Variants in SYNE2 observed in about 807,000 individuals in gnomAD.
SYNE2 encodes nesprin-2.
In SYNE2, 431 loss-of-function variants were observed where a neutral mutation model predicts 856.3. The observed-to-expected ratio is 0.50, with a 90% confidence interval of 0.47 to 0.55. The LOEUF (loss-of-function observed/expected upper bound fraction) is 0.55. SYNE2 is among the 20% of genes least tolerant of loss of function. The pLI, the probability that SYNE2 is intolerant of heterozygous loss-of-function variation, is 0.00. For synonymous variants in SYNE2, 2,923 were observed against 2,872.3 expected (o/e 1.02, Z -0.56); for missense variants, 8,129 against 8,023.2 (o/e 1.01, Z -0.50).
chr14:63,828,423 T>C (rs993338049), intron 1 of SYNE2, among the ~76,000 whole-genome samples: 2 of 152,030 alleles, frequency 1.3e-5, no homozygotes, highest in African/African-American at 4.8e-5. Context: ...GTGGATCACC[T>C]GAGGTGAGGA....
rs2153498670 is a variant in SYNE2 at position 63,998,328 on chromosome 14, G to A, written c.3353G>A (p.Arg1118Lys). 5 of 1,579,778 alleles carry A rather than the reference G, an allele frequency of 3.2e-6. No individual in the cohort carries two copies. Among genetic ancestry groups the A allele is most frequent in the Non-Finnish European group, 4.4e-6 (5 of 1,148,950 alleles). Reference sequence around the variant, plus strand: ...GCATCTATAAATAGTTTACTAGAGAGGTAAACTCTTTTTAAAAACAACTGG... The same window carrying A: ...GCATCTATAAATAGTTTACTAGAGAAGTAAACTCTTTTTAAAAACAACTGG... ...YSASINSLLE[R>K]YDTYRDILEH... The change falls in exon 26 of 116, where the codon AGG (arginine) becomes AAG (lysine). Residue 1118 changes from arginine (R) to lysine (K), a missense_variant and splice_region_variant. This residue lies in a region of SYNE2 where 2,422 missense variants were observed against 2,357.4 expected (regional missense o/e 1.03). Transcript: ENST00000555002.
At chr14:64,205,001 T>A (rs2098598407) in intron 100 of SYNE2, among the ~76,000 whole-genome samples, 1 of 152,164 alleles carries the variant, frequency 6.6e-6, no homozygotes, top group Non-Finnish European at 1.5e-5. Flanking sequence ...GCCGTCAACA[T>A]TGCATCTCTC....
At chr14:64,170,206 A>T in intron 93 of SYNE2, 22 bp from the exon 94 acceptor site, 2 of 1,609,842 alleles carry the variant, frequency 1.2e-6, no homozygotes, top group South Asian at 1.1e-5. Context: ...TCTGGATTCT[A>T]TAACCATTTG....
chr14:64,012,694 T>C (rs1168764308), intron 32 of SYNE2, among the ~76,000 whole-genome samples: 1 of 152,238 alleles, frequency 6.6e-6, no homozygotes, highest in Non-Finnish European at 1.5e-5. Context: ...CATATGTTTC[T>C]TGAAATAATC....
In SYNE2 at chr14:64,081,676, A is replaced by C. The variant is rs972830791; in HGVS notation, c.11484+96A>C. 23 of 1,376,316 alleles carry C rather than the reference A, an allele frequency of 1.7e-5. No individual in the cohort carries two copies. In the Admixed American group the frequency reaches 3.4e-4, roughly 20 times the overall value. The allele number at this position is 1,376,316 out of a possible 1,614,324, so 85.3% of individuals were successfully genotyped here. A position where few individuals can be genotyped will look rare whatever the true frequency, so the allele number is the denominator to read the frequency against. On this transcript the variant is annotated intron_variant, in intron 57 of 115. Transcript: ENST00000555002. Reference sequence around the variant, plus strand: ...TGGTGCTTTTTTCCTCCTTTCCTGAAATACAACCTTACCGCTAACCATGTC... The same window carrying C: ...TGGTGCTTTTTTCCTCCTTTCCTGACATACAACCTTACCGCTAACCATGTC...
intron 100 of SYNE2, among the ~76,000 whole-genome samples, chr14:64,206,448 CACTT>C (rs2098605625): frequency 6.6e-6 from 1 of 151,774 alleles, no homozygotes; most frequent in Non-Finnish European, 1.5e-5. Context: ...TGTAGTCTAT[CACTT>C]TATTTATTTT....
chr14:64,089,831 G>A, intron 59 of SYNE2, 135 bp downstream of exon 59: 2 of 695,524 alleles, frequency 2.9e-6, no homozygotes, highest in Non-Finnish European at 4.8e-6. Flanking sequence ...AAATTGATGG[G>A]AATAACTATA....
chr14:64,151,276 T>A (rs2098239368), intron 84 of SYNE2, among the ~76,000 whole-genome samples: 1 of 151,962 alleles, frequency 6.6e-6, no homozygotes, highest in Admixed American at 6.6e-5. Context: ...TTTGCGGGAC[T>A]GGATTTCAGT....
chr14:64,026,856 G>A (rs2153540128), intron 42 of SYNE2, 126 bp downstream of exon 42: 8 of 1,130,802 alleles, frequency 7.1e-6, no homozygotes, highest in Non-Finnish European at 1.0e-5. Flanking sequence ...TAATGTCAGG[G>A]ACATCCACAG....
rs1156982452 is a variant in SYNE2 at position 64,128,504 on chromosome 14, A to G, written c.13970A>G (p.Gln4657Arg). 6.2e-7 allele frequency: 1 copy of G among 1,610,576 alleles called. No homozygotes were observed. Among genetic ancestry groups the G allele is most frequent in the Admixed American group, 1.7e-5 (1 of 60,018 alleles). ...HQLIKSKTSL[Q>R]QSLNEISGQS... is the part of the protein sequence containing the mutation. The stretch of plus-strand genomic sequence containing the variant: ...CTCATTAAGAGTAAGACATCTTTAC[A>G]ACAGTCTTTGAATGAAATCAGTGGG... The change falls in exon 74 of 116, where the codon CAA becomes CGA. Residue 4657 changes from glutamine to arginine, a missense_variant. Gln to Arg is a conservative substitution (Grantham distance 43). This residue lies in a region of SYNE2 where 5,410 missense variants were observed against 5,284.8 expected (regional missense o/e 1.02). Coordinates refer to ENST00000555002, the MANE Select transcript of SYNE2 (RefSeq NM_182914.3).
At chr14:64,095,645 C>A (rs79674350) in intron 61 of SYNE2, among the ~76,000 whole-genome samples, 1 of 152,134 alleles carries the variant, frequency 6.6e-6, no homozygotes, top group Admixed American at 6.5e-5. Flanking sequence ...AAGGATAGTT[C>A]AGCTTACAAC....
At chr14:63,941,848 A>T in intron 4 of SYNE2, 37 bp from the exon 5 acceptor site, 1 of 1,612,126 alleles carries the variant, frequency 6.2e-7, no homozygotes, top group Non-Finnish European at 8.5e-7. Flanking sequence ...TATGTATTTC[A>T]TTTTTTCTGA....
At position 63,826,632 on chromosome 14, in the gene SYNE2, C is replaced by A. The variant is rs572002339; in HGVS notation, c.-304-25869C>A. Among the ~76,000 whole-genome samples the A allele has an allele frequency of 3.9e-5, 6 of 152,050 alleles. No individual in the cohort carries two copies. In the South Asian group the frequency reaches 1.2e-3, roughly 32 times the overall value. ...GTTTTTTCAATGTATGTTCCTGGGA[C>A]AACATGATATCCACATGCGCAAGAA... On this transcript the variant is annotated intron_variant, in intron 1 of 23. Transcript: ENST00000674003.
chr14:63,926,050 C>T lies in SYNE2; in HGVS notation c.80-14564C>T, dbSNP rs113985430. ...GTGGAGACCTGGTTTCACCATGTTG[C>T]CCAGACTGGTCTTGAACTCCTGAGC... On this transcript the variant is annotated intron_variant, in intron 2 of 115. Transcript: ENST00000555002. Among the ~76,000 whole-genome samples, 8 of 152,076 alleles carry T rather than the reference C, an allele frequency of 5.3e-5. 1 individual carries two copies. Among genetic ancestry groups the T allele is most frequent in the African/African-American group, 1.4e-4 (6 of 41,462 alleles).
At chr14:64,102,903 AT>A (rs1246053236) in intron 64 of SYNE2, among the ~76,000 whole-genome samples, 5 of 151,962 alleles carry the variant, frequency 3.3e-5, no homozygotes, top group African/African-American at 1.2e-4. Context: ...ATCATACAGT[AT>A]TTATCATTCT....
At chr14:64,064,817 G>A (rs544183114) in intron 50 of SYNE2, among the ~76,000 whole-genome samples, 22 of 150,032 alleles carry the variant, frequency 1.5e-4, no homozygotes, top group South Asian at 1.3e-3. Flanking sequence ...GTCTCCCAAA[G>A]TGCTGCATGA....
intron 1 of SYNE2, among the ~76,000 whole-genome samples, chr14:63,805,219 T>C (rs1888312756): frequency 6.6e-6 from 1 of 152,258 alleles, no homozygotes; most frequent in Admixed American, 6.5e-5. Context: ...TGTTCTTTTT[T>C]GAATTTTAGA....
rs1442404173 is a variant in SYNE2 at position 64,188,722 on chromosome 14, C to T, written c.17871+14C>T. Reference sequence around the variant, plus strand: ...AAGTTACAGAAGGTAAGGGAGGACACCCAGGTGGATGTAGTTATGACTACC... The same window carrying T: ...AAGTTACAGAAGGTAAGGGAGGACATCCAGGTGGATGTAGTTATGACTACC... On this transcript the variant is annotated intron_variant, in intron 98 of 115. Transcript: ENST00000555002. The T allele has an allele frequency of 1.9e-6, 3 of 1,613,664 alleles. No homozygotes were observed. The highest frequency in any genetic ancestry group is 1.7e-5 in the Admixed American group (1 of 59,994).
At chr14:63,966,985 C>G (rs532750401) in intron 10 of SYNE2, among the ~76,000 whole-genome samples, 41 of 152,120 alleles carry the variant, frequency 2.7e-4, no homozygotes, top group Non-Finnish European at 5.0e-4. Flanking sequence ...CCTGCCTCAG[C>G]CTCCCGAGTA....
Sources: allele counts gnomAD v4.1 joint callset (sites outside exome capture counted in the v4.1 genomes callset), GRCh38; gene constraint gnomAD v4.1.1; regional missense constraint gnomAD v4.1.1; transcripts MANE v1.5; gene names NCBI Gene and HGNC (gene_info 2026-07-23, HGNC 2026-07-21).